The following NANOS3 variants were observed in gnomAD, a reference collection of about 807,000 sequenced individuals.
The protein encoded by NANOS3 is nanos C2HC-type zinc finger 3.
A neutral mutation model predicts 13.8 loss-of-function variants in NANOS3; 11 were observed. The observed-to-expected ratio is 0.80, with a 90% CI of 0.50 to 1.32. NANOS3 has a LOEUF of 1.32. Ranked by LOEUF, NANOS3 falls within the 40% of genes most tolerant of loss-of-function variation. The pLI, the probability that NANOS3 is intolerant of heterozygous loss-of-function variation, is 0.00. For missense variants in NANOS3, 221 were observed against 263.8 expected (o/e 0.84, Z 1.12); for synonymous variants, 119 against 115.4 (o/e 1.03, Z -0.20).
intron 1 of NANOS3, among the ~76,000 whole-genome samples, chr19:13,867,676 A>G (rs923859639): frequency 6.6e-6 from 1 of 151,800 alleles, no homozygotes; most frequent in Admixed American, 6.6e-5. Flanking sequence ...ATCCTCCCAC[A>G]TTAGCCTCCC....
At chr19:13,878,923 T>C (rs1968573745) in intron 1 of NANOS3, among the ~76,000 whole-genome samples, 1 of 148,766 alleles carries the variant, frequency 6.7e-6, no homozygotes, top group Admixed American at 6.7e-5. Context: ...CCCAGTGAGG[T>C]TTTCTTTCTT....
chr19:13,873,750 C>G (rs1458740956), upstream of NANOS3, among the ~76,000 whole-genome samples: 7 of 152,144 alleles, frequency 4.6e-5, no homozygotes, highest in Admixed American at 1.3e-4. Context: ...AATTACAGGC[C>G]TGAGCCGCAG....
chr19:13,873,359 T>C (rs1445861998), upstream of NANOS3, among the ~76,000 whole-genome samples: 1 of 145,118 alleles, frequency 6.9e-6, no homozygotes, highest in Non-Finnish European at 1.5e-5. Context: ...GGTGGGGGGG[T>C]GGTTCACGCA....
chr19:13,878,944 A>T (rs1461180590), intron 1 of NANOS3, among the ~76,000 whole-genome samples: 4 of 129,910 alleles, frequency 3.1e-5, no homozygotes, highest in African/African-American at 1.2e-4. Context: ...TCTTTCTTTT[A>T]TTTGATTATT....
intron 1 of NANOS3, among the ~76,000 whole-genome samples, chr19:13,868,350 C>T (rs922707033): frequency 3.3e-5 from 5 of 152,062 alleles, no homozygotes; most frequent in East Asian, 2.0e-4. Flanking sequence ...TGAGCCAGTG[C>T]GTCCGGCCCC....
At position 13,877,603 on chromosome 19, in the gene NANOS3, C is replaced by T; in HGVS notation, c.355C>T (p.Arg119Cys). The change falls in exon 1 of 2, where the codon CGT (arginine) becomes TGT (cysteine). Residue 119 changes from arginine to cysteine, a missense_variant. By Grantham distance (180) the Arg-to-Cys change is radical. Coordinates refer to ENST00000339133, the MANE Select transcript of NANOS3 (RefSeq NM_001098622.3). Reference protein sequence around the residue: ...DYVCPQCGATRERAHTRRFCP... With the variant: ...DYVCPQCGATCERAHTRRFCP... ...CGTGTGTCCCCAGTGCGGCGCCACA[C>T]GTGAGCGCGCCCACACCCGACGCTT... is the stretch of plus-strand genomic sequence containing the variant. 2 of 1,612,018 alleles carry T rather than the reference C, an allele frequency of 1.2e-6. No homozygotes were observed. The highest frequency in any genetic ancestry group is 1.7e-6 in the Non-Finnish European group (2 of 1,179,988).
At chr19:13,865,565 G>C (rs1008185846) in intron 1 of NANOS3, 2 of 146,618 alleles carry the variant, frequency 1.4e-5, no homozygotes, top group Admixed American at 6.8e-5. Flanking sequence ...GCCCCGGGGC[G>C]GGCGCCCCGG....
upstream of NANOS3, among the ~76,000 whole-genome samples, chr19:13,872,322 G>GT (rs552726455): frequency 2.9e-3 from 432 of 147,526 alleles, 5 homozygotes; most frequent in African/African-American, 0.011. Flanking sequence ...TCCAGCCTGG[G>GT]TGACAGAGCA....
exon 1 of NANOS3, chr19:13,865,435 G>A (rs914646849): frequency 6.8e-6 from 1 of 146,676 alleles, no homozygotes; most frequent in Non-Finnish European, 1.5e-5. Context: ...GGCCCCAATC[G>A]AGGTGAGCGC....
chr19:13,880,415 G>A (rs369704795), intron 1 of NANOS3, 27 bp from the exon 2 acceptor site: 7 of 1,610,878 alleles, frequency 4.3e-6, no homozygotes, highest in Non-Finnish European at 5.9e-6. Context: ...CTGTGATTAA[G>A]CATTTCTCTC....
At position 13,877,479 on chromosome 19, in the gene NANOS3, C is replaced by T. The variant is rs1968539058; in HGVS notation, c.231C>T (p.Cys77=). Residue 77 remains cysteine, a synonymous_variant, in exon 1 of 2, where the codon TGC becomes TGT. Transcript: ENST00000339133. ...LESSPAPERL[C]SFCKHNGESR... is the part of the protein sequence containing the mutation. ...CCTCGCCAGCTCCCGAACGCCTGTG[C>T]TCTTTCTGCAAACACAACGGCGAGT... 3.1e-6 allele frequency: 5 copies of T among 1,611,596 alleles called. No individual in the cohort carries two copies. Among genetic ancestry groups the T allele is most frequent in the African/African-American group, 2.7e-5 (2 of 74,950 alleles).
intron 1 of NANOS3, among the ~76,000 whole-genome samples, chr19:13,879,503 A>C (rs2145083799): frequency 6.6e-6 from 1 of 152,340 alleles, no homozygotes; most frequent in East Asian, 1.9e-4. Flanking sequence ...TGGGAGGCCA[A>C]GGCAGGAGGA....
upstream of NANOS3, among the ~76,000 whole-genome samples, chr19:13,873,710 A>T (rs1314632672): frequency 1.3e-5 from 2 of 151,794 alleles, no homozygotes; most frequent in African/African-American, 4.8e-5. Flanking sequence ...GGCTCAAAAG[A>T]TCCTCCCGCC....
intron 1 of NANOS3, chr19:13,865,456 C>T (rs938952977): frequency 7.6e-5 from 11 of 144,670 alleles, no homozygotes; most frequent in African/African-American, 2.2e-4. Flanking sequence ...GGGCGCCGGG[C>T]GGGCCGGGGG....
chr19:13,867,486 A>C (rs1976259950), intron 1 of NANOS3, among the ~76,000 whole-genome samples: 1 of 144,558 alleles, frequency 6.9e-6, no homozygotes, highest in Admixed American at 6.8e-5. Context: ...CTCGTCTCAA[A>C]CTCGTTGAGC....
chr19:13,878,346 C>T (rs1391634503), intron 1 of NANOS3, among the ~76,000 whole-genome samples: 3 of 151,806 alleles, frequency 2.0e-5, no homozygotes, highest in African/African-American at 7.3e-5. Flanking sequence ...TCAAGCGATT[C>T]TTCTGCCTCA....
upstream of NANOS3, among the ~76,000 whole-genome samples, chr19:13,876,774 C>T (rs993035310): frequency 2.0e-5 from 3 of 152,232 alleles, no homozygotes; most frequent in Non-Finnish European, 2.9e-5. Flanking sequence ...AAAGAAGTTA[C>T]TAAGTTAACT....
intron 1 of NANOS3, among the ~76,000 whole-genome samples, chr19:13,870,748 G>C (rs1023196490): frequency 1.3e-5 from 2 of 150,298 alleles, no homozygotes; most frequent in African/African-American, 4.9e-5. Context: ...TTTTTTGTTT[G>C]TTTGTATTTT....
upstream of NANOS3, chr19:13,877,121 A>C: frequency 1.2e-6 from 1 of 814,238 alleles, no homozygotes; most frequent in Non-Finnish European, 2.0e-6. Flanking sequence ...AGGGTCGGCC[A>C]GCACAGACTC....
Sources: allele counts gnomAD v4.1 joint callset (sites outside exome capture counted in the v4.1 genomes callset), GRCh38; gene constraint gnomAD v4.1.1; transcripts MANE v1.5; gene names NCBI Gene and HGNC (gene_info 2026-07-23, HGNC 2026-07-21).